LIMCH1: variants seen among roughly 807,000 people sequenced by gnomAD.
The protein encoded by LIMCH1 is LIM and calponin homology domains-containing protein 1.
A neutral mutation model predicts 176.5 loss-of-function variants in LIMCH1; 113 were observed. The observed-to-expected ratio is 0.64, with a 90% confidence interval of 0.55 to 0.75. The LOEUF is 0.75. Ranked by LOEUF, LIMCH1 falls within the 30% of genes least tolerant of loss-of-function variation. The pLI, the probability that LIMCH1 is intolerant of heterozygous loss-of-function variation, is 0.00. For synonymous variants in LIMCH1, 619 were observed against 645.9 expected (o/e 0.96, Z 0.63); for missense variants, 1,674 against 1,814.9 (o/e 0.92, Z 1.41).
In LIMCH1 at chr4:41,641,040, G is replaced by T. The variant is rs4861126; in HGVS notation, c.2126+2073G>T. Among the ~76,000 whole-genome samples, 5 of 152,056 alleles carry T rather than the reference G, an allele frequency of 3.3e-5. No homozygotes were observed. In the South Asian group the frequency reaches 6.2e-4, roughly 19 times the overall value. On this transcript the variant is annotated intron_variant, in intron 14 of 31. Coordinates refer to ENST00000503057, the MANE Select transcript of LIMCH1 (RefSeq NM_001330672.2). ...GCCATTTTATTCTGAATTCCTTTACGGTAGACTTGGCCCAGAAACAATTTC... is the reference window on the plus strand; with the variant it reads ...GCCATTTTATTCTGAATTCCTTTACTGTAGACTTGGCCCAGAAACAATTTC...
In LIMCH1 at chr4:41,650,456, T is replaced by C; in HGVS notation, c.2884T>C (p.Cys962Arg). The C allele has an allele frequency of 6.2e-7, 1 of 1,613,516 alleles. No homozygotes were observed. The highest frequency in any genetic ancestry group is 8.5e-7 in the Non-Finnish European group (1 of 1,179,634). The change falls in exon 18 of 32, where the codon TGT (cysteine) becomes CGT (arginine). Residue 962 changes from cysteine (C) to arginine (R), a missense_variant. By Grantham distance (180) the Cys-to-Arg change is radical. Coordinates refer to ENST00000503057, the MANE Select transcript of LIMCH1 (RefSeq NM_001330672.2). ...VHREEEKERE[C>R]PTVAPAHSLT... Reference sequence around the variant, plus strand: ...TAGAGAGGAGGAGAAGGAAAGAGAGTGTCCCACGGTGGCACCTGCCCACTC... The same window carrying C: ...TAGAGAGGAGGAGAAGGAAAGAGAGCGTCCCACGGTGGCACCTGCCCACTC...
At chr4:41,599,877 A>T (rs964868544) in intron 2 of LIMCH1, among the ~76,000 whole-genome samples, 15 of 152,144 alleles carry the variant, frequency 9.9e-5, no homozygotes, top group African/African-American at 2.9e-4. Flanking sequence ...AATTTTATAC[A>T]ATTTGCTTGA....
chr4:41,553,736 C>T (rs1480218716), intron 1 of LIMCH1, among the ~76,000 whole-genome samples: 1 of 152,078 alleles, frequency 6.6e-6, no homozygotes. Flanking sequence ...CTGGTGGTGA[C>T]CTCTGATGAA....
chr4:41,620,385 G>A lies in LIMCH1; in HGVS notation c.459-39G>A, dbSNP rs555069930. ...GACATGGGGTCTGCTCCCCAGCCCA[G>A]TCTGTTAGTTTGGTAAACCATATTG... On this transcript the variant is annotated intron_variant, in intron 6 of 31. Coordinates refer to ENST00000503057, the MANE Select transcript of LIMCH1 (RefSeq NM_001330672.2). The A allele has an allele frequency of 3.3e-6, 5 of 1,521,854 alleles. No individual in the cohort carries two copies. The South Asian group carries it at 4.9e-5, about 15-fold the overall frequency. The allele number at this position is 1,521,854 out of a possible 1,614,324, so 94.3% of individuals were successfully genotyped here. A position where few individuals can be genotyped will look rare whatever the true frequency, so the allele number is the denominator to read the frequency against.
intron 31 of LIMCH1, among the ~76,000 whole-genome samples, chr4:41,695,439 A>G (rs1447391554): frequency 1.3e-5 from 2 of 151,842 alleles, no homozygotes; most frequent in Admixed American, 6.6e-5. Context: ...ACTTGTATGA[A>G]TATCACTGAA....
intron 2 of LIMCH1, among the ~76,000 whole-genome samples, chr4:41,520,896 C>A (rs972263763): frequency 6.6e-6 from 1 of 152,070 alleles, no homozygotes; most frequent in African/African-American, 2.4e-5. Context: ...CTGTTAAGGC[C>A]TTTAGCTGTA....
intron 1 of LIMCH1, among the ~76,000 whole-genome samples, chr4:41,586,678 A>C (rs2086535356): frequency 6.6e-6 from 1 of 152,232 alleles, no homozygotes; most frequent in African/African-American, 2.4e-5. Flanking sequence ...GTTGGGTTTT[A>C]GGGTTAGTTT....
At chr4:41,680,285 A>G (rs923480024) in intron 24 of LIMCH1, among the ~76,000 whole-genome samples, 187 bp downstream of exon 24, 2 of 152,220 alleles carry the variant, frequency 1.3e-5, no homozygotes, top group African/African-American at 4.8e-5. Flanking sequence ...TTCCTCACAA[A>G]TACAGTTCGT....
intron 2 of LIMCH1, among the ~76,000 whole-genome samples, chr4:41,496,525 A>G (rs1228224995): frequency 6.6e-6 from 1 of 152,194 alleles, no homozygotes; most frequent in African/African-American, 2.4e-5. Flanking sequence ...CCAAATGCAC[A>G]CAAATTTCTA....
chr4:41,583,530 G>A (rs2085897562), intron 1 of LIMCH1, among the ~76,000 whole-genome samples: 1 of 152,118 alleles, frequency 6.6e-6, no homozygotes, highest in Admixed American at 6.5e-5. Flanking sequence ...CAGTATCCAT[G>A]GAAAATTTAT....
At chr4:41,390,156 C>T (rs2057035900) in intron 1 of LIMCH1, among the ~76,000 whole-genome samples, 1 of 151,850 alleles carries the variant, frequency 6.6e-6, no homozygotes, top group Non-Finnish European at 1.5e-5. Context: ...ATCTTGCTGT[C>T]CTGTGCCTCT....
chr4:41,454,955 T>TGTGG (rs1170064373), intron 1 of LIMCH1, among the ~76,000 whole-genome samples: 2 of 146,170 alleles, frequency 1.4e-5, no homozygotes, highest in African/African-American at 5.5e-5. Flanking sequence ...TGTGTGTGTG[T>TGTGG]GTGTGTGTGT....
At chr4:41,540,654 G>A (rs181220218) in intron 1 of LIMCH1, among the ~76,000 whole-genome samples, 21 of 152,222 alleles carry the variant, frequency 1.4e-4, no homozygotes, top group Admixed American at 4.6e-4. Context: ...CAGGAGAATC[G>A]CTTGAACCCG....
intron 3 of LIMCH1, among the ~76,000 whole-genome samples, chr4:41,530,811 AAAAAAAAATTTTT>A (rs1162038511): frequency 6.8e-6 from 1 of 146,690 alleles, no homozygotes; most frequent in Non-Finnish European, 1.5e-5. Context: ...AAAAAAAAAA[AAAAAAAAATTTTT>A]TTTTTTTTTT....
rs144933807 is a variant in LIMCH1, at chr4:41,671,522, A to T, written c.3398-32A>T. The stretch of plus-strand genomic sequence containing the variant: ...ACAATTAGAAAATACTCACATTCAT[A>T]TCTTTTTTTTCTTTCTTTTTTTTCT... On this transcript the variant is annotated intron_variant, in intron 21 of 31. Coordinates refer to ENST00000503057, the MANE Select transcript of LIMCH1 (RefSeq NM_001330672.2). 2.3e-4 allele frequency: 366 copies of T among 1,582,718 alleles called. 3 individuals are homozygous for T. In the African/African-American group the frequency reaches 4.2e-3, roughly 18 times the overall value.
At position 41,631,397 on chromosome 4, in the gene LIMCH1, A is replaced by G; in HGVS notation, c.1521A>G (p.Gln507=). 1 of 1,536,234 alleles carries G rather than the reference A, an allele frequency of 6.5e-7. No homozygotes were observed. The highest frequency in any genetic ancestry group is 8.7e-7 in the Non-Finnish European group (1 of 1,146,916). ...TCATCTGTCATGGCAGCAAGATTCAAATGGACTCTGTGTCTCCTGTCTCAG... is the reference window on the plus strand; with the variant it reads ...TCATCTGTCATGGCAGCAAGATTCAGATGGACTCTGTGTCTCCTGTCTCAG... ...EEVICHGSKI[Q]MDSVSPVSAA... is the part of the protein sequence containing the mutation. The change falls in exon 10 of 32, where the codon CAA becomes CAG. Residue 507 remains glutamine (Q), a synonymous_variant. Coordinates refer to ENST00000503057, the MANE Select transcript of LIMCH1 (RefSeq NM_001330672.2).
intron 1 of LIMCH1, among the ~76,000 whole-genome samples, chr4:41,414,844 T>C (rs1451078098): frequency 2.0e-5 from 3 of 152,212 alleles, no homozygotes; most frequent in African/African-American, 7.2e-5. Context: ...CGTATTGTGG[T>C]CACAATATCT....
intron 1 of LIMCH1, among the ~76,000 whole-genome samples, chr4:41,445,020 CTTTTT>C (rs11414585): frequency 1.6e-5 from 2 of 128,528 alleles, no homozygotes; most frequent in African/African-American, 2.9e-5. Context: ...TTTTCCCATT[CTTTTT>C]TTTTTTTTTT....
At chr4:41,402,408 G>T (rs1304647887) in intron 1 of LIMCH1, among the ~76,000 whole-genome samples, 1 of 150,442 alleles carries the variant, frequency 6.6e-6, no homozygotes, top group Non-Finnish European at 1.5e-5. Context: ...CATTGTGGAA[G>T]TCAGTGTGGC....
Sources: allele counts gnomAD v4.1 joint callset (sites outside exome capture counted in the v4.1 genomes callset), GRCh38; gene constraint gnomAD v4.1.1; transcripts MANE v1.5; gene names NCBI Gene and HGNC (gene_info 2026-07-23, HGNC 2026-07-21).